PER3: variants seen among roughly 807,000 people sequenced by gnomAD.
The protein encoded by PER3 is period circadian protein homolog 3.
PER3 carries 107 observed loss-of-function variants against 127.2 expected under a neutral mutation model. The ratio of observed to expected loss-of-function variants is 0.84; its 90% CI spans 0.72 to 0.99. The LOEUF (loss-of-function observed/expected upper bound fraction) is 0.99, where lower values mean the gene tolerates loss of function less well. Ranked by LOEUF, PER3 falls within the 50% of genes least tolerant of loss-of-function variation. The probability of loss-of-function intolerance (pLI) is 0.00; values close to 1 mark genes in which losing one functional copy is unlikely to be tolerated. For synonymous variants in PER3, 618 were observed against 585.8 expected (o/e 1.05, Z -0.79); for missense variants, 1,560 against 1,525.8 (o/e 1.02, Z -0.37).
chr1:7,810,414 T>C lies in PER3; in HGVS notation c.1372-24T>C, dbSNP rs750973352. On this transcript the variant is annotated intron_variant, in intron 12 of 21. Coordinates refer to ENST00000377532, the MANE Select transcript of PER3 (RefSeq NM_001377275.1). ...GGACATTTTTATAATTTTTGAAACA[T>C]ATTTTATCATTCCTTTCCCTAAGAT... is the stretch of plus-strand genomic sequence containing the variant. 6 of 1,538,290 alleles carry C rather than the reference T, an allele frequency of 3.9e-6. No homozygotes were observed. In the South Asian group the frequency reaches 7.2e-5, roughly 18 times the overall value.
chr1:7,813,015 T>C (rs61773379), intron 13 of PER3, among the ~76,000 whole-genome samples: 21,797 of 152,238 alleles, frequency 0.14, 1,964 homozygotes, highest in Non-Finnish European at 0.19. Context: ...ACATGTGTTA[T>C]AGGAACTTAA....
Position 7,785,550 on chromosome 1 carries a change from C to G in PER3, c.238C>G (p.Leu80Val). 6 of 1,613,710 alleles carry G rather than the reference C, an allele frequency of 3.7e-6. No individual in the cohort carries two copies. Among genetic ancestry groups the G allele is most frequent in the Non-Finnish European group, 5.1e-6 (6 of 1,179,736 alleles). Residue 80 changes from leucine (L) to valine (V), a missense_variant, in exon 3 of 22, where the codon CTC becomes GTC. Physicochemically the swap from Leu to Val is conservative, Grantham distance 32. This residue lies in a region of PER3 where 1,332 missense variants were observed against 1,223.6 expected (regional missense o/e 1.09). Coordinates refer to ENST00000377532, the MANE Select transcript of PER3 (RefSeq NM_001377275.1). ...RRNKPSTLDALNYALRCVHSV... is the reference protein window; with the variant it reads ...RRNKPSTLDAVNYALRCVHSV... ...CAATAAACCAAGCACTCTAGATGCC[C>G]TCAACTATGCTCTCCGCTGTGTCCA... is the stretch of plus-strand genomic sequence containing the variant.
At chr1:7,822,257 A>C (rs2097280249) in intron 16 of PER3, among the ~76,000 whole-genome samples, 2 of 121,472 alleles carry the variant, frequency 1.6e-5, no homozygotes, top group African/African-American at 5.6e-5. Context: ...TTTAAAAAAA[A>C]ATTTTTTTTT....
Position 7,844,584 on chromosome 1 carries a change from A to G in PER3, c.*1829A>G, listed in dbSNP as rs2097403479. 1 of 152,666 alleles carries G rather than the reference A, an allele frequency of 6.6e-6. No individual in the cohort carries two copies. Among genetic ancestry groups the G allele is most frequent in the South Asian group, 2.1e-4 (1 of 4,828 alleles). The allele number at this position is 152,666 out of a possible 1,614,324, so 9.5% of individuals were successfully genotyped here. On this transcript the variant is annotated 3_prime_UTR_variant, in exon 22 of 22. Transcript: ENST00000377532. Reference sequence around the variant, plus strand: ...TCTCTAATAGAAGCCTTTCTTTTCCATTGTTTCTGGATATTTGTATTATCC... The same window carrying G: ...TCTCTAATAGAAGCCTTTCTTTTCCGTTGTTTCTGGATATTTGTATTATCC...
chr1:7,829,937 GCGCTCTGTC>G lies in PER3; in HGVS notation c.2992_3000del (p.Ala998_Ser1000del). The G allele has an allele frequency of 2.0e-5, 25 of 1,279,436 alleles. No individual in the cohort carries two copies. Among genetic ancestry groups the G allele is most frequent in the Middle Eastern group, 2.1e-4 (1 of 4,824 alleles). The allele number at this position is 1,279,436 out of a possible 1,614,324, so 79.3% of individuals were successfully genotyped here. On this transcript the variant is annotated inframe_deletion, in exon 19 of 22. Transcript: ENST00000377532. ...GAGAATCCATCCCATCCTACTGCCA[GCGCTCTGTC>G]CACAGGATCGCCTCCCATGAAGAAT...
intron 13 of PER3, among the ~76,000 whole-genome samples, chr1:7,815,713 C>T (rs2097245351): frequency 1.3e-5 from 2 of 151,982 alleles, no homozygotes; most frequent in South Asian, 2.1e-4. Flanking sequence ...GGGCCGGGCG[C>T]AGTGGCTCAC....
chr1:7,784,887 G>A lies in PER3; in HGVS notation c.10G>A (p.Gly4Arg), dbSNP rs765345493. 9 of 1,511,098 alleles carry A rather than the reference G, an allele frequency of 6.0e-6. No individual in the cohort carries two copies. The East Asian group carries it at 1.9e-4, about 31-fold the overall frequency. 93.6% of individuals were successfully genotyped at this position (1,511,098 alleles called of 1,614,324 possible). Residue 4 changes from glycine (G) to arginine (R), a missense_variant, in exon 2 of 22, where the codon GGG becomes AGG. This residue lies in a region of PER3 where 1,332 missense variants were observed against 1,223.6 expected (regional missense o/e 1.09). Coordinates refer to ENST00000377532, the MANE Select transcript of PER3 (RefSeq NM_001377275.1). The part of the protein sequence containing the change: MPR[G>R]EAPGPGRRGA... ...CCGCGGAGACCTCGAGATGCCCCGC[G>A]GGGAAGCTCCTGGCCCCGGGAGACG... is the stretch of plus-strand genomic sequence containing the variant.
In PER3 at chr1:7,827,457, C is replaced by G. The variant is rs771024989; in HGVS notation, c.2528C>G (p.Pro843Arg). ...CTGCCCTTGTCCGAGGGCTTGCAGC[C>G]TTACCCAGCTTTCCCTTTTCCTTAC... ...HGLPLSEGLQ[P>R]YPAFPFPYLD... The change falls in exon 18 of 22, where the codon CCT becomes CGT. Residue 843 changes from proline (P) to arginine (R), a missense_variant. By Grantham distance (103) the Pro-to-Arg change is moderately radical (BLOSUM62 -2). This residue lies in a region of PER3 where 1,332 missense variants were observed against 1,223.6 expected (regional missense o/e 1.09). Transcript: ENST00000377532. The G allele has an allele frequency of 5.6e-6, 9 of 1,614,098 alleles. No homozygotes were observed. The highest frequency in any genetic ancestry group is 5.9e-6 in the Non-Finnish European group (7 of 1,180,024).
In PER3 at chr1:7,815,180, T is replaced by G. The variant is rs2097241821; in HGVS notation, c.1523-4105T>G. Among the ~76,000 whole-genome samples the G allele has an allele frequency of 2.0e-5, 3 of 152,286 alleles. No individual in the cohort carries two copies. The South Asian group carries it at 6.2e-4, about 32-fold the overall frequency. ...AGAAAACAGCTAGTGGCTGGCATAT[T>G]TTAATCCAGCAACATCAGCAATCAC... On this transcript the variant is annotated intron_variant, in intron 13 of 21. Coordinates refer to ENST00000377532, the MANE Select transcript of PER3 (RefSeq NM_001377275.1).
intron 16 of PER3, among the ~76,000 whole-genome samples, chr1:7,825,476 AAGTT>A (rs1284506784): frequency 6.6e-6 from 1 of 152,190 alleles, no homozygotes; most frequent in Non-Finnish European, 1.5e-5. Context: ...GCCACTGATA[AAGTT>A]CTCCAAGGGA....
At chr1:7,794,123 A>G (rs1199393866) in intron 6 of PER3, 115 bp downstream of exon 6, 3 of 859,280 alleles carry the variant, frequency 3.5e-6, no homozygotes, top group African/African-American at 3.3e-5. Context: ...ACAAAAAATA[A>G]GACTTGGTTA....
chr1:7,795,929 C>T (rs1388666974), intron 6 of PER3, among the ~76,000 whole-genome samples: 1 of 152,226 alleles, frequency 6.6e-6, no homozygotes, highest in African/African-American at 2.4e-5. Flanking sequence ...GACAGCGTAG[C>T]TCAGATCTCG....
In PER3 at chr1:7,820,218, G is replaced by T; in HGVS notation, c.1762G>T (p.Asp588Tyr). ...SEEDKQNHKA[D>Y]DVQALQAGLQ... ...AGAAGACAAACAGAACCACAAGGCA[G>T]ATGATGTCCAAGCCTTACAAGGTAA... Residue 588 changes from aspartate (D) to tyrosine (Y), a missense_variant, in exon 15 of 22, where the codon GAT (aspartate) becomes TAT (tyrosine). Physicochemically the swap from Asp to Tyr is radical, Grantham distance 160. This residue lies in a region of PER3 where 1,332 missense variants were observed against 1,223.6 expected (regional missense o/e 1.09). Coordinates refer to ENST00000377532, the MANE Select transcript of PER3 (RefSeq NM_001377275.1). 1.2e-6 allele frequency: 2 copies of T among 1,613,846 alleles called. No individual in the cohort carries two copies. The highest frequency in any genetic ancestry group is 1.7e-6 in the Non-Finnish European group (2 of 1,179,818).
chr1:7,786,593 C>G (rs1317659188), intron 3 of PER3, 128 bp from the exon 4 acceptor site: 3 of 559,702 alleles, frequency 5.4e-6, no homozygotes, highest in Non-Finnish European at 9.8e-6. Flanking sequence ...AGAAAATGAT[C>G]TGTTTTTGAG....
At chr1:7,807,385 G>A (rs377005908) in intron 10 of PER3, among the ~76,000 whole-genome samples, 2 of 152,180 alleles carry the variant, frequency 1.3e-5, no homozygotes, top group African/African-American at 4.8e-5. Flanking sequence ...GTCCCTAGAC[G>A]TGGAGATATT....
rs774248323 is a variant in PER3 at position 7,837,036 on chromosome 1, C to T, written c.3436C>T (p.Leu1146=). ...TGTACTAAAAGAAGACCTGGAAAAG[C>T]TAGAAAGTATGAGGCAGCAGCAGCC... ...EVVLKEDLEK[L]ESMRQQQPQF... Residue 1146 remains leucine (L), a synonymous_variant, in exon 21 of 22, where the codon CTA becomes TTA. Coordinates refer to ENST00000377532, the MANE Select transcript of PER3 (RefSeq NM_001377275.1). 6.2e-7 allele frequency: 1 copy of T among 1,613,674 alleles called. No individual in the cohort carries two copies. Among genetic ancestry groups the T allele is most frequent in the South Asian group, 1.1e-5 (1 of 91,058 alleles).
At chr1:7,822,491 G>A (rs2097281967) in intron 16 of PER3, among the ~76,000 whole-genome samples, 1 of 152,082 alleles carries the variant, frequency 6.6e-6, no homozygotes, top group Non-Finnish European at 1.5e-5. Flanking sequence ...GACCTCAGGT[G>A]ATCCGCCCAC....
rs755871834 is a variant in PER3, at chr1:7,830,134, C to T, written c.3187C>T (p.Pro1063Ser). ...CACGGGGTCACCTCCCAGCGAATCC[C>T]CATCCAGAACTGGTTCAGCAGCATC... ...LSTGSPPSESPSRTGSAASGS... is the reference protein window; with the variant it reads ...LSTGSPPSESSSRTGSAASGS... The change falls in exon 19 of 22, where the codon CCA becomes TCA. Residue 1063 changes from proline (P) to serine (S), a missense_variant. By Grantham distance (74) the Pro-to-Ser change is moderately conservative. Transcript: ENST00000377532. 5 of 1,614,028 alleles carry T rather than the reference C, an allele frequency of 3.1e-6. No homozygotes were observed. The highest frequency in any genetic ancestry group is 1.7e-5 in the Admixed American group (1 of 60,010).
chr1:7,822,856 T>G (rs1157692980), intron 16 of PER3, among the ~76,000 whole-genome samples: 5 of 152,110 alleles, frequency 3.3e-5, no homozygotes, highest in African/African-American at 4.8e-5. Flanking sequence ...GCCAGGAGTT[T>G]GAGACCAGCC....
Sources: allele counts gnomAD v4.1 joint callset (sites outside exome capture counted in the v4.1 genomes callset), GRCh38; gene constraint gnomAD v4.1.1; regional missense constraint gnomAD v4.1.1; transcripts MANE v1.5; gene names NCBI Gene and HGNC (gene_info 2026-07-23, HGNC 2026-07-21).